The following HACE1 variants were observed in gnomAD, a reference collection of about 807,000 sequenced individuals.
HACE1 encodes HECT domain and ankyrin repeat containing E3 ubiquitin protein ligase 1, also known as E3 ubiquitin-protein ligase HACE1.
In HACE1, 73 loss-of-function variants were observed where a neutral mutation model predicts 118.4. The ratio of observed to expected loss-of-function variants is 0.62; its 90% CI spans 0.51 to 0.75. The LOEUF (loss-of-function observed/expected upper bound fraction) is 0.75. Among genes scored for constraint, HACE1 ranks in the 30% least tolerant of loss-of-function variants. HACE1 has a pLI of 0.00. For missense variants in HACE1, 749 were observed against 1,102.2 expected (o/e 0.68, Z 4.54); for synonymous variants, 368 against 374.8 (o/e 0.98, Z 0.21).
chr6:104,755,610 C>G lies in HACE1; in HGVS notation c.2212-5138G>C, dbSNP rs572663820. 3.9e-5 allele frequency among the ~76,000 whole-genome samples: 6 copies of G among 152,316 alleles called. No homozygotes were observed. In the South Asian group the frequency reaches 1.2e-3, roughly 32 times the overall value. ...AGACCACAGCACAATCAAATTAGAA[C>G]TCAAGATTAAGAAATTCACTCAAAA... On this transcript the variant is annotated intron_variant, in intron 19 of 23. Coordinates refer to ENST00000262903, the MANE Select transcript of HACE1 (RefSeq NM_020771.4).
intron 20 of HACE1, among the ~76,000 whole-genome samples, chr6:104,747,976 T>C (rs1777614261): frequency 6.6e-6 from 1 of 151,780 alleles, no homozygotes; most frequent in Admixed American, 6.6e-5. Context: ...CAGACCTAAA[T>C]GTGAAAGATA....
rs557524000 is a variant in HACE1, at chr6:104,729,154, C to G, written c.*508G>C. 1 of 152,632 alleles carries G rather than the reference C, an allele frequency of 6.6e-6. No individual in the cohort carries two copies. The highest frequency in any genetic ancestry group is 1.5e-5 in the Non-Finnish European group (1 of 68,178). 9.5% of individuals were successfully genotyped at this position (152,632 alleles called of 1,614,324 possible). ...TATTAAAATGCTAAAAAAATCATTG[C>G]AATATAGAATACACTGTGGCAAAAT... On this transcript the variant is annotated 3_prime_UTR_variant, in exon 24 of 24. Coordinates refer to ENST00000262903, the MANE Select transcript of HACE1 (RefSeq NM_020771.4).
chr6:104,852,547 T>G (rs1459095639), intron 1 of HACE1, among the ~76,000 whole-genome samples, 176 bp from the exon 2 acceptor site: 2 of 152,202 alleles, frequency 1.3e-5, no homozygotes, highest in African/African-American at 4.8e-5. Flanking sequence ...TGAAGAATCT[T>G]TCATCCCCTC....
At chr6:104,793,754 G>A (rs1783319331) in intron 10 of HACE1, among the ~76,000 whole-genome samples, 1 of 152,116 alleles carries the variant, frequency 6.6e-6, no homozygotes, top group South Asian at 2.1e-4. Flanking sequence ...TAAATCAGCA[G>A]GGGGAAACAA....
intron 7 of HACE1, among the ~76,000 whole-genome samples, chr6:104,799,279 T>C (rs1362362316): frequency 6.6e-6 from 1 of 152,196 alleles, no homozygotes; most frequent in Non-Finnish European, 1.5e-5. Flanking sequence ...CTTGGGAGTA[T>C]ATATTTTGCA....
chr6:104,813,961 G>A (rs1771869971), intron 6 of HACE1, among the ~76,000 whole-genome samples: 1 of 137,670 alleles, frequency 7.3e-6, no homozygotes, highest in South Asian at 2.2e-4. Context: ...TTTAGGAAAT[G>A]AGAAATCAAA....
chr6:104,854,107 G>A (rs556714837), intron 1 of HACE1, among the ~76,000 whole-genome samples: 1 of 152,272 alleles, frequency 6.6e-6, no homozygotes, highest in South Asian at 2.1e-4. Context: ...TGCCAAAAAT[G>A]CATAACTTCA....
intron 19 of HACE1, among the ~76,000 whole-genome samples, chr6:104,756,427 ATAT>A (rs140305854): frequency 3.8e-4 from 34 of 90,360 alleles, no homozygotes; most frequent in Admixed American, 3.8e-4. Context: ...AAAAAAAAAA[ATAT>A]ATATATATAT....
chr6:104,788,982 T>C (rs757651656), intron 11 of HACE1, among the ~76,000 whole-genome samples: 6 of 152,114 alleles, frequency 3.9e-5, no homozygotes, highest in Admixed American at 2.0e-4. Flanking sequence ...TTAGAGTACC[T>C]TGTTAATGAA....
At chr6:104,815,085 T>C (rs1056391145) in intron 6 of HACE1, among the ~76,000 whole-genome samples, 1 of 137,168 alleles carries the variant, frequency 7.3e-6, no homozygotes, top group Non-Finnish European at 1.6e-5. Flanking sequence ...GGGGCAGAGG[T>C]TGGAACAGTT....
rs192478288 is a variant in HACE1 at position 104,818,261 on chromosome 6, G to C, written c.535-6868C>G. On this transcript the variant is annotated intron_variant, in intron 6 of 23. Coordinates refer to ENST00000262903, the MANE Select transcript of HACE1 (RefSeq NM_020771.4). ...GTATTTCAGTCACTATTTTATAAGAGAAGGACTACGTGGGCCTTCTAATCA... is the reference window on the plus strand; with the variant it reads ...GTATTTCAGTCACTATTTTATAAGACAAGGACTACGTGGGCCTTCTAATCA... Among the ~76,000 whole-genome samples the C allele has an allele frequency of 2.4e-3, 365 of 152,246 alleles. 1 individual carries two copies. Among genetic ancestry groups the C allele is most frequent in the Non-Finnish European group, 3.7e-3 (255 of 68,016 alleles).
intron 14 of HACE1, among the ~76,000 whole-genome samples, chr6:104,777,909 A>G (rs1781377374): frequency 6.6e-6 from 1 of 151,982 alleles, no homozygotes; most frequent in Admixed American, 6.6e-5. Flanking sequence ...GCAGGCACGC[A>G]CCACCACGCC....
chr6:104,840,403 G>A (rs1188998768), intron 5 of HACE1, among the ~76,000 whole-genome samples: 1 of 152,180 alleles, frequency 6.6e-6, no homozygotes, highest in Non-Finnish European at 1.5e-5. Flanking sequence ...CAGGGCGGGA[G>A]GAGGGGCTGA....
intron 11 of HACE1, among the ~76,000 whole-genome samples, chr6:104,787,568 G>C (rs998729479): frequency 6.6e-6 from 1 of 152,100 alleles, no homozygotes; most frequent in Non-Finnish European, 1.5e-5. Flanking sequence ...ATATAAAACT[G>C]CTTGAAACAA....
intron 22 of HACE1, among the ~76,000 whole-genome samples, chr6:104,741,413 A>G (rs1215624481): frequency 1.3e-5 from 2 of 151,510 alleles, no homozygotes; most frequent in Non-Finnish European, 2.9e-5. Flanking sequence ...AGAAAACCCC[A>G]TTGTATCAGC....
At chr6:104,829,106 T>C (rs1367893744) in intron 6 of HACE1, among the ~76,000 whole-genome samples, 3 of 152,066 alleles carry the variant, frequency 2.0e-5, no homozygotes, top group Non-Finnish European at 4.4e-5. Context: ...TGTAAGCTCC[T>C]AAGCTTAAAA....
At chr6:104,744,362 A>G (rs1381892306) in intron 21 of HACE1, 132 bp from the exon 22 acceptor site, 3 of 821,342 alleles carry the variant, frequency 3.7e-6, no homozygotes, top group African/African-American at 3.4e-5. Context: ...GATTTCATGC[A>G]AAGCTTTCAT....
chr6:104,758,081 C>T (rs113610651), intron 19 of HACE1, among the ~76,000 whole-genome samples: 5 of 152,258 alleles, frequency 3.3e-5, no homozygotes, highest in African/African-American at 1.2e-4. Context: ...ATTGGTGTGC[C>T]TGAGAGTGAC....
chr6:104,859,131 C>CA (rs1437016200), intron 1 of HACE1, among the ~76,000 whole-genome samples: 1 of 152,120 alleles, frequency 6.6e-6, no homozygotes, highest in Non-Finnish European at 1.5e-5. Flanking sequence ...TAAAAAATAA[C>CA]AAAAATAAAA....
Sources: allele counts gnomAD v4.1 joint callset (sites outside exome capture counted in the v4.1 genomes callset), GRCh38; gene constraint gnomAD v4.1.1; transcripts MANE v1.5; gene names NCBI Gene and HGNC (gene_info 2026-07-23, HGNC 2026-07-21).